The following FAM227B variants were observed in gnomAD, a reference collection of about 807,000 sequenced individuals.
FAM227B encodes the protein family with sequence similarity 227 member B.
In FAM227B, 88 loss-of-function variants were observed where a neutral mutation model predicts 73.8. The ratio of observed to expected loss-of-function variants is 1.19; its 90% confidence interval spans 1.00 to 1.42. The LOEUF (loss-of-function observed/expected upper bound fraction) is 1.42. Ranked by LOEUF, FAM227B falls within the 40% of genes most tolerant of loss-of-function variation. The probability of loss-of-function intolerance (pLI) is 0.00; values close to 1 mark genes in which losing one functional copy is unlikely to be tolerated. For synonymous variants in FAM227B, 210 were observed against 190.5 expected (o/e 1.10, Z -0.84); for missense variants, 632 against 590.9 (o/e 1.07, Z -0.72).
intron 11 of FAM227B, among the ~76,000 whole-genome samples, chr15:49,468,054 A>G (rs550122952): frequency 3.9e-5 from 6 of 152,214 alleles, no homozygotes; most frequent in African/African-American, 9.6e-5. Flanking sequence ...CTTTCAAAAG[A>G]AAGTATTGCT....
chr15:49,362,065 T>C lies in FAM227B; in HGVS notation c.1271+5383A>G, dbSNP rs529943975. On this transcript the variant is annotated intron_variant, in intron 13 of 15. Coordinates refer to ENST00000299338, the MANE Select transcript of FAM227B (RefSeq NM_152647.3). ...TCTTCTTTTGAAATGTGTTCATTCA[T>C]GTCTTTTGCCCACTTCTTAATGGGT... 8.7e-4 allele frequency among the ~76,000 whole-genome samples: 132 copies of C among 152,294 alleles called. 1 individual carries two copies. Among genetic ancestry groups the C allele is most frequent in the African/African-American group, 3.0e-3 (123 of 41,566 alleles).
intron 11 of FAM227B, among the ~76,000 whole-genome samples, chr15:49,445,113 T>C (rs547100424): frequency 7.3e-5 from 11 of 151,700 alleles, no homozygotes; most frequent in East Asian, 5.8e-4. Flanking sequence ...TTTAAAATGG[T>C]TGGTGTTTTT....
At chr15:49,383,812 A>G (rs1488444005) in intron 11 of FAM227B, among the ~76,000 whole-genome samples, 1 of 152,136 alleles carries the variant, frequency 6.6e-6, no homozygotes, top group Non-Finnish European at 1.5e-5. Context: ...TGCTATTTAA[A>G]GACAAACAAA....
chr15:49,460,607 A>C (rs2053705732), intron 11 of FAM227B, among the ~76,000 whole-genome samples: 1 of 152,208 alleles, frequency 6.6e-6, no homozygotes, highest in Admixed American at 6.5e-5. Flanking sequence ...AAAATGTTCT[A>C]GCAACAGCCA....
At chr15:49,580,997 A>G (rs1267838437) in intron 5 of FAM227B, among the ~76,000 whole-genome samples, 2 of 152,192 alleles carry the variant, frequency 1.3e-5, no homozygotes, top group Non-Finnish European at 2.9e-5. Flanking sequence ...TCAAATCTAC[A>G]CTCACTAGAG....
In FAM227B at chr15:49,543,402, A is replaced by C. The variant is rs145650300; in HGVS notation, c.748-1596T>G. 1.2e-4 allele frequency among the ~76,000 whole-genome samples: 19 copies of C among 152,100 alleles called. 1 individual carries two copies. In the East Asian group the frequency reaches 3.5e-3, roughly 28 times the overall value. Reference sequence around the variant, plus strand: ...CGTTTGAGTTTCTTGTAGATTCTGGATATTAGTCCTTTGTCGGATGCATAG... The same window carrying C: ...CGTTTGAGTTTCTTGTAGATTCTGGCTATTAGTCCTTTGTCGGATGCATAG... On this transcript the variant is annotated intron_variant, in intron 9 of 15. Coordinates refer to ENST00000299338, the MANE Select transcript of FAM227B (RefSeq NM_152647.3).
chr15:49,491,673 C>T (rs1376847610), intron 11 of FAM227B, among the ~76,000 whole-genome samples: 3 of 151,542 alleles, frequency 2.0e-5, no homozygotes, highest in Non-Finnish European at 4.4e-5. Context: ...TCTCTGAATC[C>T]TATTGCACTC....
At chr15:49,410,477 T>C (rs989034359) in intron 11 of FAM227B, among the ~76,000 whole-genome samples, 2 of 152,170 alleles carry the variant, frequency 1.3e-5, no homozygotes, top group South Asian at 2.1e-4. Context: ...TTTCAGTACA[T>C]AGTCTTCACT....
intron 13 of FAM227B, among the ~76,000 whole-genome samples, chr15:49,366,845 G>A (rs1463732345): frequency 2.6e-5 from 4 of 152,156 alleles, no homozygotes; most frequent in Admixed American, 2.6e-4. Context: ...CTAATTTAGT[G>A]GCTAGTGTTC....
chr15:49,508,107 G>C, intron 11 of FAM227B, 104 bp downstream of exon 11: 1 of 1,174,340 alleles, frequency 8.5e-7, no homozygotes, highest in Middle Eastern at 2.9e-4. Context: ...GTTATTTTAA[G>C]GCCCTCACCA....
intron 10 of FAM227B, among the ~76,000 whole-genome samples, chr15:49,512,816 T>C (rs1384956384): frequency 6.6e-6 from 1 of 152,166 alleles, no homozygotes; most frequent in African/African-American, 2.4e-5. Flanking sequence ...GTGTTCTCAT[T>C]GTTCAACTCC....
At chr15:49,550,378 G>A (rs1263790518) in intron 9 of FAM227B, among the ~76,000 whole-genome samples, 19 of 148,060 alleles carry the variant, frequency 1.3e-4, no homozygotes, top group African/African-American at 3.0e-4. Flanking sequence ...CTGGCCTGGC[G>A]GGGGCTGACC....
chr15:49,508,498 T>C, intron 10 of FAM227B, 150 bp from the exon 11 acceptor site: 1 of 562,304 alleles, frequency 1.8e-6, no homozygotes, highest in Non-Finnish European at 3.0e-6. Context: ...TAGGATTAGA[T>C]AAGTCATCTA....
At chr15:49,501,830 A>G (rs560822873) in intron 11 of FAM227B, among the ~76,000 whole-genome samples, 2 of 152,330 alleles carry the variant, frequency 1.3e-5, no homozygotes, top group East Asian at 1.9e-4. Flanking sequence ...GCCTAGGAAG[A>G]CTAAATGGTT....
At chr15:49,348,428 T>TA (rs1458969301) in intron 13 of FAM227B, among the ~76,000 whole-genome samples, 1 of 152,122 alleles carries the variant, frequency 6.6e-6, no homozygotes, top group African/African-American at 2.4e-5. Context: ...GATATATCAC[T>TA]AAAAAAACAG....
At chr15:49,616,957 C>A (rs1668740718) in intron 1 of FAM227B, among the ~76,000 whole-genome samples, 1 of 152,126 alleles carries the variant, frequency 6.6e-6, no homozygotes, top group African/African-American at 2.4e-5. Context: ...TTAATCTTTG[C>A]AAAGAACCAG....
chr15:49,334,788 C>A (rs1385878959), intron 14 of FAM227B, among the ~76,000 whole-genome samples: 1 of 152,124 alleles, frequency 6.6e-6, no homozygotes, highest in Non-Finnish European at 1.5e-5. Flanking sequence ...CATCCTTTCT[C>A]CCCTTAAAGG....
intron 3 of FAM227B, among the ~76,000 whole-genome samples, chr15:49,604,992 T>G (rs768676232): frequency 5.9e-5 from 9 of 152,150 alleles, no homozygotes; most frequent in Admixed American, 3.9e-4. Context: ...CTAAGCTTCT[T>G]GAAGATGATA....
intron 11 of FAM227B, among the ~76,000 whole-genome samples, chr15:49,439,785 A>G (rs1344804819): frequency 6.6e-6 from 1 of 151,720 alleles, no homozygotes; most frequent in African/African-American, 2.4e-5. Flanking sequence ...TAGCATTGAG[A>G]AAGAAACTGG....
Sources: gnomAD v4.1 joint callset for allele counts (sites outside exome capture counted in the v4.1 genomes callset) on GRCh38, gnomAD v4.1.1 for gene constraint, MANE v1.5 for transcripts, NCBI Gene and HGNC (gene_info 2026-07-23, HGNC 2026-07-21) for gene names.